HAX1: variants seen among roughly 807,000 people sequenced by gnomAD.
HAX1 encodes HCLS1-associated protein X-1.
HAX1 carries 27 observed loss-of-function variants against 31.1 expected under a neutral mutation model. That is an observed-to-expected ratio of 0.87 (90% CI 0.64 to 1.20). The LOEUF (loss-of-function observed/expected upper bound fraction) is 1.20. Ranked by LOEUF, HAX1 falls within the 50% of genes most tolerant of loss-of-function variation. HAX1 has a pLI of 0.00. For synonymous variants in HAX1, 114 were observed against 124.1 expected, an observed-to-expected ratio of 0.92 and a Z score of 0.54; for missense variants, 357 against 361.6, an observed-to-expected ratio of 0.99 and a Z score of 0.10.
intron 3 of HAX1, 74 bp downstream of exon 3, chr1:154,274,035 C>T (rs571999276): frequency 5.2e-6 from 7 of 1,352,372 alleles, no homozygotes; most frequent in Admixed American, 1.7e-5. Flanking sequence ...TGGCTAGGTG[C>T]GGTGGCTCAC....
At position 154,272,665 on chromosome 1, in the gene HAX1, T is replaced by G; in HGVS notation, c.-59T>G. The G allele has an allele frequency of 6.4e-7, 1 of 1,552,292 alleles. No homozygotes were observed. The highest frequency in any genetic ancestry group is 8.9e-7 in the Non-Finnish European group (1 of 1,124,582). Reference sequence around the variant, plus strand: ...CAATTTCTCACAGGGCTGCGCAGGTTTCCCCCGTCTGCGAATGGACCACTG... The same window carrying G: ...CAATTTCTCACAGGGCTGCGCAGGTGTCCCCCGTCTGCGAATGGACCACTG... On this transcript the variant is annotated 5_prime_UTR_variant, in exon 1 of 7. Transcript: ENST00000328703.
In HAX1 at chr1:154,273,402, A is replaced by G; in HGVS notation, c.120A>G (p.Glu40=). The change falls in exon 2 of 7, where the codon GAA becomes GAG. Residue 40 remains glutamate, a synonymous_variant. Coordinates refer to ENST00000328703, the MANE Select transcript of HAX1 (RefSeq NM_006118.4). The stretch of plus-strand genomic sequence containing the variant: ...ATGATGATGAGGAAGAAGAAGAAGA[A>G]GGGGGCTCATGGGGCCGTGGGAACC... The part of the protein sequence containing the change: ...DEDDDEEEEE[E]GGSWGRGNPR... The G allele has an allele frequency of 6.2e-7, 1 of 1,614,058 alleles. No individual in the cohort carries two copies. Among genetic ancestry groups the G allele is most frequent in the Non-Finnish European group, 8.5e-7 (1 of 1,179,968 alleles).
chr1:154,273,239 C>G (rs1684848585), intron 1 of HAX1, 97 bp from the exon 2 acceptor site: 4 of 1,479,144 alleles, frequency 2.7e-6, no homozygotes, highest in African/African-American at 1.4e-5. Flanking sequence ...CCTAGCTTCC[C>G]AGACCCCTTG....
In HAX1 at chr1:154,275,807, A is replaced by C; in HGVS notation, c.*106A>C. On this transcript the variant is annotated 3_prime_UTR_variant, in exon 7 of 7. Transcript: ENST00000328703. ...CACCTCAGGGGCTTGGATATGTGGAATAGTGAACTGGGGCCATGTCAGTTT... is the reference window on the plus strand; with the variant it reads ...CACCTCAGGGGCTTGGATATGTGGACTAGTGAACTGGGGCCATGTCAGTTT... The C allele has an allele frequency of 1.3e-6, 1 of 769,212 alleles. No homozygotes were observed. The highest frequency in any genetic ancestry group is 2.6e-5 in the East Asian group (1 of 37,968). 47.6% of individuals were successfully genotyped at this position (769,212 alleles called of 1,614,324 possible).
At chr1:154,274,928 C>T (rs1375002176) in intron 3 of HAX1, 22 bp from the exon 4 acceptor site, 3 of 1,592,254 alleles carry the variant, frequency 1.9e-6, no homozygotes, top group Non-Finnish European at 2.6e-6. Flanking sequence ...AGTCTTTTCA[C>T]TTACTATGGT....
intron 1 of HAX1, chr1:154,273,007 CG>C (rs1243357125): frequency 1.6e-6 from 1 of 614,132 alleles, no homozygotes; most frequent in East Asian, 2.7e-5. Flanking sequence ...GGGACCCGGG[CG>C]GGGAAGACCG....
chr1:154,275,435 A>G lies in HAX1; in HGVS notation c.706A>G (p.Thr236Ala). 1 of 1,614,172 alleles carries G rather than the reference A, an allele frequency of 6.2e-7. No individual in the cohort carries two copies. Residue 236 changes from threonine (T) to alanine (A), a missense_variant, in exon 6 of 7, where the codon ACA (threonine) becomes GCA (alanine). Thr to Ala is a moderately conservative substitution (Grantham distance 58, BLOSUM62 0). Coordinates refer to ENST00000328703, the MANE Select transcript of HAX1 (RefSeq NM_006118.4). ...RRTVVDSEGRTETTVTRHEAD... is the reference protein window; with the variant it reads ...RRTVVDSEGRAETTVTRHEAD... ...GACTGTGGTGGACAGTGAGGGCCGG[A>G]CAGAGACTACAGTAACCCGACACGA...
intron 3 of HAX1, 75 bp downstream of exon 3, chr1:154,274,036 G>T (rs780810012): frequency 4.4e-6 from 6 of 1,355,090 alleles, no homozygotes; most frequent in Non-Finnish European, 6.3e-6. Context: ...GGCTAGGTGC[G>T]GTGGCTCACG....
chr1:154,275,391 A>T lies in HAX1; in HGVS notation c.664-2A>T. On this transcript the variant is annotated splice_acceptor_variant, in intron 5 of 6. Transcript: ENST00000328703. LOFTEE classifies it high-confidence loss of function. ...GAATATGGTGGGGACTTCTCTTTGT[A>T]GATAGTGGAGGAGCGCCGGACTGTG... The T allele has an allele frequency of 1.9e-6, 3 of 1,613,506 alleles. No individual in the cohort carries two copies. The highest frequency in any genetic ancestry group is 2.5e-6 in the Non-Finnish European group (3 of 1,179,414).
chr1:154,273,992 G>C (rs770257342), intron 3 of HAX1, 31 bp downstream of exon 3: 1 of 1,575,722 alleles, frequency 6.3e-7, no homozygotes, highest in Non-Finnish European at 8.7e-7. Context: ...TGAAGTGAGA[G>C]CTTGTGAGAG....
In HAX1 at chr1:154,273,806, G is replaced by T. The variant is rs1487742962; in HGVS notation, c.349G>T (p.Glu117Ter). ...LPGPESETPG[E>*]RLREGQTLRD... is the part of the protein sequence containing the mutation. ...AGGTCCTGAGTCAGAGACACCTGGT[G>T]AGAGACTACGGGAGGGACAGACACT... Residue 117 changes from glutamate to a stop codon, truncating the protein, a stop_gained, in exon 3 of 7, where the codon GAG (glutamate) becomes TAG (stop). Transcript: ENST00000328703. LOFTEE classifies it high-confidence loss of function. 9.9e-6 allele frequency: 16 copies of T among 1,614,160 alleles called. No homozygotes were observed. The highest frequency in any genetic ancestry group is 1.1e-5 in the South Asian group (1 of 91,072).
chr1:154,274,986 A>G lies in HAX1; in HGVS notation c.541A>G (p.Thr181Ala). The change falls in exon 4 of 7, where the codon ACC becomes GCC. Residue 181 changes from threonine to alanine, a missense_variant. Transcript: ENST00000328703. The stretch of plus-strand genomic sequence containing the variant: ...ATGGCCTATGGACCCCCATCCTAGA[A>G]CCAGAGAGGACAATGGTAAGTCTGG... Reference protein sequence around the residue: ...DVWPMDPHPRTREDNDLDSQV... With the variant: ...DVWPMDPHPRAREDNDLDSQV... The G allele has an allele frequency of 6.2e-7, 1 of 1,610,996 alleles. No homozygotes were observed. The highest frequency in any genetic ancestry group is 2.2e-5 in the East Asian group (1 of 44,870).
chr1:154,273,341 G>T lies in HAX1; in HGVS notation c.59G>T (p.Arg20Ile), dbSNP rs750009343. Reference sequence around the variant, plus strand: ...CAATCTGCCTCCACTCTCAGCCACAGAGATCCCTTTTTTGGAGGGATGACT... The same window carrying T: ...CAATCTGCCTCCACTCTCAGCCACATAGATCCCTTTTTTGGAGGGATGACT... ...FFGFPGPRSHRDPFFGGMTRD... is the reference protein window; with the variant it reads ...FFGFPGPRSHIDPFFGGMTRD... Residue 20 changes from arginine (R) to isoleucine (I), a missense_variant, in exon 2 of 7, where the codon AGA becomes ATA. Arg to Ile is a moderately conservative substitution (Grantham distance 97, BLOSUM62 -3). Transcript: ENST00000328703. The T allele has an allele frequency of 1.2e-6, 2 of 1,613,924 alleles. No individual in the cohort carries two copies. The highest frequency in any genetic ancestry group is 1.7e-6 in the Non-Finnish European group (2 of 1,179,966).
At position 154,274,522 on chromosome 1, in the gene HAX1, C is replaced by G. The variant is rs72633644; in HGVS notation, c.505-428C>G. Among the ~76,000 whole-genome samples, 302 of 152,252 alleles carry G rather than the reference C, an allele frequency of 2.0e-3. 8 individuals are homozygous for G. The East Asian group carries it at 0.049, about 25-fold the overall frequency. Reference sequence around the variant, plus strand: ...TCGGCCTCCCAAAGTGCTGGAATTACAAGTGTGAGCCATCATGCCTGGCCA... The same window carrying G: ...TCGGCCTCCCAAAGTGCTGGAATTAGAAGTGTGAGCCATCATGCCTGGCCA... On this transcript the variant is annotated intron_variant, in intron 3 of 6. Coordinates refer to ENST00000328703, the MANE Select transcript of HAX1 (RefSeq NM_006118.4).
At chr1:154,274,812 GT>G in intron 3 of HAX1, 137 bp from the exon 4 acceptor site, 1 of 720,970 alleles carries the variant, frequency 1.4e-6, no homozygotes, top group East Asian at 2.7e-5. Flanking sequence ...AGGAAGGAGT[GT>G]GTAAATAAGG....
rs1684922265 is a variant in HAX1 at position 154,275,855 on chromosome 1, TAA to T, written c.*157_*158del. Reference sequence around the variant, plus strand: ...TTTGTCACTCACCCAAACTGACCAATAAAACCTTTATTTATGCTAATTTTTTG... The same window carrying T: ...TTTGTCACTCACCCAAACTGACCAATAACCTTTATTTATGCTAATTTTTTG... On this transcript the variant is annotated 3_prime_UTR_variant, in exon 7 of 7. Coordinates refer to ENST00000328703, the MANE Select transcript of HAX1 (RefSeq NM_006118.4). The T allele has an allele frequency of 5.9e-6, 4 of 676,486 alleles. No homozygotes were observed. 41.9% of individuals were successfully genotyped at this position (676,486 alleles called of 1,614,324 possible). A position where few individuals can be genotyped will look rare whatever the true frequency, so the allele number is the denominator to read the frequency against.
At chr1:154,274,074 G>A (rs185835184) in intron 3 of HAX1, 113 bp downstream of exon 3, 70 of 908,154 alleles carry the variant, frequency 7.7e-5, no homozygotes, top group Non-Finnish European at 1.1e-4. Flanking sequence ...TTGGGAGGCC[G>A]AGGTGGGCAG....
At chr1:154,275,031 G>C (rs772389832) in intron 4 of HAX1, 30 bp downstream of exon 4, 21 of 1,579,010 alleles carry the variant, frequency 1.3e-5, no homozygotes, top group Non-Finnish European at 1.8e-5. Context: ...AAGTTTACCA[G>C]CCTTTTGTTA....
Position 154,275,191 on chromosome 1 carries a change from G to T in HAX1, c.594G>T (p.Pro198=). 3 of 1,613,456 alleles carry T rather than the reference G, an allele frequency of 1.9e-6. No homozygotes were observed. The highest frequency in any genetic ancestry group is 1.1e-5 in the South Asian group (1 of 91,076). ...DSQVSQEGLG[P]VLQPQPKSYF... is the part of the protein sequence containing the mutation. Reference sequence around the variant, plus strand: ...AGGTTTCCCAGGAGGGTCTTGGCCCGGTTCTACAGCCCCAGCCCAAATCCT... The same window carrying T: ...AGGTTTCCCAGGAGGGTCTTGGCCCTGTTCTACAGCCCCAGCCCAAATCCT... Residue 198 remains proline, a synonymous_variant, in exon 5 of 7, where the codon CCG becomes CCT. Coordinates refer to ENST00000328703, the MANE Select transcript of HAX1 (RefSeq NM_006118.4).
Sources: gnomAD v4.1 joint callset for allele counts (sites outside exome capture counted in the v4.1 genomes callset) on GRCh38, gnomAD v4.1.1 for gene constraint, MANE v1.5 for transcripts, NCBI Gene and HGNC (gene_info 2026-07-23, HGNC 2026-07-21) for gene names.